The following CHN2 variants were observed in gnomAD, a reference collection of about 807,000 sequenced individuals.
CHN2 encodes the protein chimerin 2.
Under a neutral mutation model 56.3 loss-of-function variants are expected in CHN2, and 35 were observed. That is an observed-to-expected ratio of 0.62 (90% CI 0.47 to 0.82). CHN2 has a LOEUF of 0.82. Among genes scored for constraint, CHN2 ranks in the 40% least tolerant of loss-of-function variants. The probability of loss-of-function intolerance (pLI) is 0.00; values close to 1 mark genes in which losing one functional copy is unlikely to be tolerated. For missense variants in CHN2, 491 were observed against 580.5 expected (o/e 0.85, Z 1.58); for synonymous variants, 210 against 212.8 (o/e 0.99, Z 0.12).
Position 29,323,254 on chromosome 7 carries a change from C to A in CHN2, c.50-31371C>A, listed in dbSNP as rs1173671345. On this transcript the variant is annotated intron_variant, in intron 1 of 12. Transcript: ENST00000222792. Reference sequence around the variant, plus strand: ...TTCGCAGAGCACATCAACATCTGACCTTTCAGATGTTTGAAGATGGATACC... The same window carrying A: ...TTCGCAGAGCACATCAACATCTGACATTTCAGATGTTTGAAGATGGATACC... 3.3e-5 allele frequency among the ~76,000 whole-genome samples: 5 copies of A among 152,038 alleles called. 1 individual carries two copies. The South Asian group carries it at 8.3e-4, about 25-fold the overall frequency.
chr7:29,293,877 T>A (rs1792889009), intron 1 of CHN2, among the ~76,000 whole-genome samples: 1 of 132,018 alleles, frequency 7.6e-6, no homozygotes, highest in Admixed American at 7.9e-5. Flanking sequence ...TTTTTTTTTT[T>A]TTTTTTTGAG....
chr7:29,382,549 T>C (rs1800597604), intron 3 of CHN2, among the ~76,000 whole-genome samples: 1 of 152,228 alleles, frequency 6.6e-6, no homozygotes, highest in South Asian at 2.1e-4. Flanking sequence ...CTTTCACTTA[T>C]TGTGTTATGC....
chr7:29,287,797 T>C (rs1562891548), intron 1 of CHN2, among the ~76,000 whole-genome samples: 1 of 152,224 alleles, frequency 6.6e-6, no homozygotes, highest in East Asian at 1.9e-4. Flanking sequence ...GACCCTAAGA[T>C]AGAAATAATC....
At chr7:29,202,670 C>A (rs1280456677) in intron 1 of CHN2, among the ~76,000 whole-genome samples, 5 of 152,176 alleles carry the variant, frequency 3.3e-5, no homozygotes, top group African/African-American at 1.2e-4. Flanking sequence ...TTATGCAATT[C>A]TTTTCTCATC....
chr7:29,302,674 G>T (rs930314939), intron 1 of CHN2, among the ~76,000 whole-genome samples: 1 of 151,894 alleles, frequency 6.6e-6, no homozygotes, highest in African/African-American at 2.4e-5. Flanking sequence ...CATTCACAGT[G>T]TTATGTGGCC....
intron 1 of CHN2, among the ~76,000 whole-genome samples, chr7:29,220,015 C>G (rs1021121146): frequency 2.2e-4 from 34 of 151,920 alleles, no homozygotes; most frequent in African/African-American, 7.5e-4. Context: ...GCGGAGGTTG[C>G]AGTGAGCTGA....
At chr7:29,173,167 A>T (rs1796834529) in intron 2 of CHN2, among the ~76,000 whole-genome samples, 1 of 151,716 alleles carries the variant, frequency 6.6e-6, no homozygotes, top group Non-Finnish European at 1.5e-5. Context: ...GATAGTTTTT[A>T]AAAAAACATT....
At chr7:29,357,386 C>G (rs900702049) in intron 2 of CHN2, among the ~76,000 whole-genome samples, 1 of 152,176 alleles carries the variant, frequency 6.6e-6, no homozygotes, top group African/African-American at 2.4e-5. Flanking sequence ...GAAGAACTCT[C>G]TTTTGGTCAT....
At chr7:29,185,411 G>C (rs1333536162) in intron 2 of CHN2, 1 of 152,128 alleles carries the variant, frequency 6.6e-6, no homozygotes, top group African/African-American at 2.4e-5. Context: ...CTCATATCAT[G>C]ATGTCTGTGG....
chr7:29,360,847 A>C (rs998792864), intron 2 of CHN2, among the ~76,000 whole-genome samples: 1 of 152,210 alleles, frequency 6.6e-6, no homozygotes, highest in African/African-American at 2.4e-5. Flanking sequence ...TTCACCCATT[A>C]GCCGTCTGAT....
intron 1 of CHN2, among the ~76,000 whole-genome samples, chr7:29,322,983 A>C (rs760846789): frequency 1.3e-5 from 2 of 152,124 alleles, no homozygotes; most frequent in Non-Finnish European, 2.9e-5. Flanking sequence ...TTGAAACTCC[A>C]TCTCTACTAA....
At chr7:29,388,929 A>G (rs2128068552) in intron 3 of CHN2, among the ~76,000 whole-genome samples, 1 of 152,322 alleles carries the variant, frequency 6.6e-6, no homozygotes, top group South Asian at 2.1e-4. Flanking sequence ...TTGAGATGTA[A>G]CTATAAAGTC....
At chr7:29,254,228 A>T (rs2128822950) in intron 1 of CHN2, among the ~76,000 whole-genome samples, 1 of 152,308 alleles carries the variant, frequency 6.6e-6, no homozygotes, top group South Asian at 2.1e-4. Context: ...CTAGATGATA[A>T]GCTCTATGAA....
At chr7:29,152,531 A>T (rs1040270220) in intron 2 of CHN2, among the ~76,000 whole-genome samples, 2 of 152,198 alleles carry the variant, frequency 1.3e-5, no homozygotes, top group African/African-American at 4.8e-5. Context: ...TAGCTAAATG[A>T]TACAGTGCCT....
chr7:29,383,111 T>C (rs1352161957), intron 3 of CHN2, among the ~76,000 whole-genome samples: 1 of 152,218 alleles, frequency 6.6e-6, no homozygotes, highest in African/African-American at 2.4e-5. Context: ...TCTAGAGATA[T>C]AGCAGTAAGC....
chr7:29,236,045 G>A (rs1489305085), intron 1 of CHN2, among the ~76,000 whole-genome samples: 1 of 152,056 alleles, frequency 6.6e-6, no homozygotes, highest in African/African-American at 2.4e-5. Flanking sequence ...AATAAAAGTC[G>A]GACAGGAAAA....
intron 1 of CHN2, among the ~76,000 whole-genome samples, chr7:29,232,689 T>C (rs1786815213): frequency 1.3e-5 from 2 of 152,194 alleles, no homozygotes; most frequent in South Asian, 4.1e-4. Context: ...GGTCATTCCT[T>C]TCCATCTGAG....
At chr7:29,438,814 T>C (rs1421449870) in intron 6 of CHN2, among the ~76,000 whole-genome samples, 4 of 152,242 alleles carry the variant, frequency 2.6e-5, no homozygotes, top group Admixed American at 1.3e-4. Context: ...TACTGGTTGA[T>C]TAAACAACCT....
intron 9 of CHN2, 135 bp downstream of exon 9, chr7:29,500,175 ACTCT>A (rs1250071079): frequency 1.3e-5 from 7 of 527,882 alleles, no homozygotes; most frequent in Middle Eastern, 4.7e-4. Context: ...GCACACACAC[ACTCT>A]CTCTCTCTCA....
Sources: gnomAD v4.1 joint callset for allele counts (sites outside exome capture counted in the v4.1 genomes callset) on GRCh38, gnomAD v4.1.1 for gene constraint, MANE v1.5 for transcripts, NCBI Gene and HGNC (gene_info 2026-07-23, HGNC 2026-07-21) for gene names.